Variants in EPB41 observed in about 807,000 individuals in gnomAD.
The protein encoded by EPB41 is protein 4.1.
A neutral mutation model predicts 108.0 loss-of-function variants in EPB41; 65 were observed. The observed-to-expected ratio is 0.60, with a 90% CI of 0.49 to 0.74. The LOEUF (loss-of-function observed/expected upper bound fraction) is 0.74. Ranked by LOEUF, EPB41 falls within the 30% of genes least tolerant of loss-of-function variation. The pLI, the probability that EPB41 is intolerant of heterozygous loss-of-function variation, is 0.00. For synonymous variants in EPB41, 336 were observed against 358.9 expected (o/e 0.94, Z 0.72); for missense variants, 875 against 1,037.0 (o/e 0.84, Z 2.15).
chr1:29,054,526 T>C (rs956673163), intron 12 of EPB41: 4 of 125,224 alleles, frequency 3.2e-5, no homozygotes, highest in Non-Finnish European at 6.9e-5. Flanking sequence ...TAACTATGTT[T>C]TGATTATATT....
Position 29,063,648 on chromosome 1 carries a change from A to G in EPB41, c.2008-1334A>G, listed in dbSNP as rs1016574553. ...AATACAGCTGTTTCCTACAGAGCCA[A>G]AAAAGAAAGACTAAATCCAAAATTC... On this transcript the variant is annotated intron_variant, in intron 15 of 20. Transcript: ENST00000343067. Among the ~76,000 whole-genome samples, 4 of 152,332 alleles carry G rather than the reference A, an allele frequency of 2.6e-5. No homozygotes were observed. In the East Asian group the frequency reaches 7.7e-4, roughly 29 times the overall value.
At chr1:28,975,277 A>G (rs1190920102) in intron 1 of EPB41, among the ~76,000 whole-genome samples, 1 of 152,166 alleles carries the variant, frequency 6.6e-6, no homozygotes, top group Non-Finnish European at 1.5e-5. Context: ...TAAAGGAGGT[A>G]TATTATAAAA....
At chr1:28,904,241 T>C (rs1214039121) in intron 1 of EPB41, among the ~76,000 whole-genome samples, 1 of 151,588 alleles carries the variant, frequency 6.6e-6, no homozygotes, top group East Asian at 1.9e-4. Context: ...GCTGTTATTA[T>C]AGAGCCACTG....
intron 16 of EPB41, among the ~76,000 whole-genome samples, chr1:29,079,481 G>A (rs990613293): frequency 6.7e-6 from 1 of 149,964 alleles, no homozygotes; most frequent in Non-Finnish European, 1.5e-5. Context: ...GCAGTGACAC[G>A]ATCTCGGCAA....
chr1:29,044,326 A>T (rs1315921746), intron 11 of EPB41, among the ~76,000 whole-genome samples: 1 of 152,226 alleles, frequency 6.6e-6, no homozygotes, highest in East Asian at 1.9e-4. Context: ...ATGGAGTTTC[A>T]TGGTTATATA....
intron 9 of EPB41, among the ~76,000 whole-genome samples, chr1:29,034,654 G>C (rs1638689295): frequency 6.6e-6 from 1 of 152,178 alleles, no homozygotes. Context: ...AGGTCAGCAG[G>C]ACAGTGTTTC....
intron 1 of EPB41, among the ~76,000 whole-genome samples, chr1:28,934,040 A>C (rs1227522993): frequency 2.0e-5 from 3 of 152,108 alleles, no homozygotes; most frequent in South Asian, 4.1e-4. Flanking sequence ...CCAGGATACC[A>C]CATTATGTCT....
intron 7 of EPB41, among the ~76,000 whole-genome samples, chr1:29,024,486 A>G (rs1417513376): frequency 6.6e-6 from 1 of 151,278 alleles, no homozygotes; most frequent in Non-Finnish European, 1.5e-5. Context: ...ACAAAAAATT[A>G]GCCGGGCTTG....
intron 1 of EPB41, among the ~76,000 whole-genome samples, chr1:28,960,820 G>A (rs2095179790): frequency 6.6e-6 from 1 of 151,918 alleles, no homozygotes. Flanking sequence ...ATCACCTGAG[G>A]TGAGGAGTTC....
At chr1:28,979,260 A>T (rs2095676546) in intron 1 of EPB41, among the ~76,000 whole-genome samples, 1 of 151,606 alleles carries the variant, frequency 6.6e-6, no homozygotes, top group Non-Finnish European at 1.5e-5. Flanking sequence ...TGCAATGGCC[A>T]AGCAATACCA....
chr1:28,891,612 C>T (rs1344118735), intron 1 of EPB41, among the ~76,000 whole-genome samples: 2 of 152,130 alleles, frequency 1.3e-5, no homozygotes, highest in Non-Finnish European at 2.9e-5. Flanking sequence ...TGTCCACTTC[C>T]TGGGTTGTTG....
At chr1:28,902,370 G>A (rs2091398978) in intron 1 of EPB41, 8 of 985,348 alleles carry the variant, frequency 8.1e-6, no homozygotes, top group Middle Eastern at 1.0e-3. Context: ...GGTCCGCAAT[G>A]GTTATTATGT....
chr1:28,900,968 T>C (rs1052594305), intron 1 of EPB41, among the ~76,000 whole-genome samples: 6 of 152,114 alleles, frequency 3.9e-5, no homozygotes, highest in South Asian at 4.2e-4. Flanking sequence ...CTCACTCTGT[T>C]ACCCAGGCTG....
chr1:29,085,003 C>T (rs1658190758), intron 16 of EPB41, among the ~76,000 whole-genome samples: 2 of 152,004 alleles, frequency 1.3e-5, no homozygotes, highest in South Asian at 2.1e-4. Flanking sequence ...CTTTGGTTCA[C>T]GTTACTTTGC....
At chr1:29,096,852 T>C (rs1436068884) in intron 16 of EPB41, 1 of 152,842 alleles carries the variant, frequency 6.5e-6, no homozygotes, top group Non-Finnish European at 1.5e-5. Context: ...TGGTTAAGTG[T>C]GTTCATCTTT....
intron 4 of EPB41, among the ~76,000 whole-genome samples, chr1:29,011,358 C>T (rs2096497689): frequency 6.6e-6 from 1 of 150,698 alleles, no homozygotes; most frequent in Admixed American, 6.6e-5. Context: ...GAGCGAGACT[C>T]CTTCTCAAAA....
At chr1:29,054,405 A>T (rs964520704) in intron 12 of EPB41, 15 of 152,108 alleles carry the variant, frequency 9.9e-5, no homozygotes, top group South Asian at 4.1e-4. Flanking sequence ...ATTAAAAAAA[A>T]TTTTTTTAAC....
intron 15 of EPB41, 75 bp downstream of exon 15, chr1:29,060,559 C>T (rs1646335608): frequency 7.4e-7 from 1 of 1,345,722 alleles, no homozygotes; most frequent in Non-Finnish European, 1.1e-6. Context: ...CCCTTTTCTT[C>T]ATTCTGTGCT....
chr1:28,968,975 C>G (rs1557855712), intron 1 of EPB41, among the ~76,000 whole-genome samples: 2 of 115,010 alleles, frequency 1.7e-5, no homozygotes, highest in African/African-American at 7.7e-5. Flanking sequence ...CAAAACCCCC[C>G]ACCCCCCAAA....
Sources: gnomAD v4.1 joint callset for allele counts (sites outside exome capture counted in the v4.1 genomes callset) on GRCh38, gnomAD v4.1.1 for gene constraint, MANE v1.5 for transcripts, NCBI Gene and HGNC (gene_info 2026-07-23, HGNC 2026-07-21) for gene names.